The following RANBP17 variants were observed in gnomAD, a reference collection of about 807,000 sequenced individuals.
The protein encoded by RANBP17 is RAN binding protein 17.
A neutral mutation model predicts 141.2 loss-of-function variants in RANBP17; 158 were observed. That is an observed-to-expected ratio of 1.12 (90% CI 0.98 to 1.28). The LOEUF is 1.28. Among genes scored for constraint, RANBP17 ranks in the 50% most tolerant of loss-of-function variants. The pLI is 0.00. For synonymous variants in RANBP17, 430 were observed against 450.0 expected (o/e 0.96, Z 0.56); for missense variants, 1,438 against 1,290.7 (o/e 1.11, Z -1.75).
At chr5:170,892,292 T>C (rs1212863363) in intron 3 of RANBP17, 95 bp from the exon 4 acceptor site, 8 of 489,254 alleles carry the variant, frequency 1.6e-5, no homozygotes, top group South Asian at 1.9e-5. Flanking sequence ...ATGCTCTCCC[T>C]CCCCTTCCCC....
intron 14 of RANBP17, among the ~76,000 whole-genome samples, chr5:171,064,667 C>A (rs1456723985): frequency 3.3e-5 from 5 of 152,138 alleles, no homozygotes; most frequent in Non-Finnish European, 7.3e-5. Flanking sequence ...CAGGCACATG[C>A]CACCATGCCC....
Position 170,919,598 on chromosome 5 carries a change from T to A in RANBP17, c.1259T>A (p.Val420Asp). Residue 420 changes from valine to aspartate, a missense_variant, in exon 11 of 28, where the codon GTT becomes GAT. Physicochemically the swap from Val to Asp is radical, Grantham distance 152. Transcript: ENST00000523189. ...TTTATCACTTCTCGGTTGGACTCTGTTGCCATAGTTGTGAGGTATTCAAAA... is the reference window on the plus strand; with the variant it reads ...TTTATCACTTCTCGGTTGGACTCTGATGCCATAGTTGTGAGGTATTCAAAA... The part of the protein sequence containing the change: ...KAFITSRLDS[V>D]AIVVRDHLDD... The A allele has an allele frequency of 6.3e-7, 1 of 1,593,888 alleles. No homozygotes were observed. The highest frequency in any genetic ancestry group is 8.5e-7 in the Non-Finnish European group (1 of 1,174,160).
chr5:171,001,688 C>T (rs748768669), intron 14 of RANBP17, among the ~76,000 whole-genome samples: 8 of 152,082 alleles, frequency 5.3e-5, no homozygotes, highest in Non-Finnish European at 7.4e-5. Flanking sequence ...GCCCATTTTA[C>T]CTTTCCTGAA....
chr5:171,242,063 A>G (rs1030042305), intron 23 of RANBP17, among the ~76,000 whole-genome samples: 1 of 151,612 alleles, frequency 6.6e-6, no homozygotes, highest in Non-Finnish European at 1.5e-5. Flanking sequence ...GGCTTAAGCA[A>G]TTCTCCTGCC....
In RANBP17 at chr5:171,254,546, A is replaced by G. The variant is rs375309649; in HGVS notation, c.2777-11135A>G. ...AAAAATAAGTCTTTACTCCCCTTCC[A>G]CCCACCTTTACAAATCTTACTGGAA... On this transcript the variant is annotated intron_variant, in intron 24 of 27. Transcript: ENST00000523189. Among the ~76,000 whole-genome samples, 18 of 152,100 alleles carry G rather than the reference A, an allele frequency of 1.2e-4. No individual in the cohort carries two copies. The East Asian group carries it at 1.3e-3, about 11-fold the overall frequency.
intron 20 of RANBP17, among the ~76,000 whole-genome samples, chr5:171,211,942 A>G (rs1346204298): frequency 6.6e-6 from 1 of 152,220 alleles, no homozygotes; most frequent in African/African-American, 2.4e-5. Flanking sequence ...TTGCAAGTTT[A>G]TAGCAACAAG....
chr5:171,096,494 T>C (rs1014246912), intron 14 of RANBP17, among the ~76,000 whole-genome samples: 1 of 152,156 alleles, frequency 6.6e-6, no homozygotes, highest in Admixed American at 6.6e-5. Context: ...AGGCAGTAAA[T>C]ATTTAGGTAG....
chr5:171,136,538 G>A (rs957929547), intron 14 of RANBP17, among the ~76,000 whole-genome samples: 1 of 151,932 alleles, frequency 6.6e-6, no homozygotes, highest in African/African-American at 2.4e-5. Context: ...AGGACTTTTA[G>A]CAGCAAACAC....
chr5:171,097,481 A>G (rs1474009188), intron 14 of RANBP17, among the ~76,000 whole-genome samples: 1 of 151,976 alleles, frequency 6.6e-6, no homozygotes, highest in African/African-American at 2.4e-5. Flanking sequence ...ATACACAGTG[A>G]ATGAGTAAAC....
At chr5:171,082,286 G>A (rs1785302951) in intron 14 of RANBP17, among the ~76,000 whole-genome samples, 1 of 152,122 alleles carries the variant, frequency 6.6e-6, no homozygotes, top group Non-Finnish European at 1.5e-5. Flanking sequence ...GTAAAGGAAT[G>A]ATGATTAATC....
At chr5:171,160,446 G>T (rs1759266200) in intron 14 of RANBP17, among the ~76,000 whole-genome samples, 1 of 152,024 alleles carries the variant, frequency 6.6e-6, no homozygotes, top group Admixed American at 6.6e-5. Context: ...TGTATACCAG[G>T]ACTGTTATAG....
At chr5:171,206,156 A>C (rs201035303) in intron 20 of RANBP17, 11,509 of 162,858 alleles carry the variant, frequency 0.071, 586 homozygotes, top group African/African-American at 0.14. Context: ...AAAAAAAAAA[A>C]CCCCCCACAG....
Position 171,199,710 on chromosome 5 carries a change from T to TAG in RANBP17, c.2080_2081insGA (p.Thr694ArgfsTer21). 6.2e-7 allele frequency: 1 copy of TAG among 1,611,658 alleles called. No homozygotes were observed. Among genetic ancestry groups the TAG allele is most frequent in the Non-Finnish European group, 8.5e-7 (1 of 1,178,580 alleles). On this transcript the variant is annotated frameshift_variant, in exon 19 of 28. Coordinates refer to ENST00000523189, the MANE Select transcript of RANBP17 (RefSeq NM_022897.5). LOFTEE classifies it high-confidence loss of function. Reference sequence around the variant, plus strand: ...AATTTGAGAATTTCATGCTGCCTCTTACAGTTGCTTTTGAAACAGTATTAC... The same window carrying TAG: ...AATTTGAGAATTTCATGCTGCCTCTTAGACAGTTGCTTTTGAAACAGTATTAC...
At chr5:171,023,656 C>G (rs1018782828) in intron 14 of RANBP17, among the ~76,000 whole-genome samples, 3 of 152,098 alleles carry the variant, frequency 2.0e-5, no homozygotes, top group Non-Finnish European at 4.4e-5. Context: ...TTTCTTTCAG[C>G]TATTTAAAAG....
At chr5:171,166,894 A>G (rs1053134123) in intron 14 of RANBP17, among the ~76,000 whole-genome samples, 2 of 152,198 alleles carry the variant, frequency 1.3e-5, no homozygotes, top group African/African-American at 4.8e-5. Flanking sequence ...TATTCAGTAG[A>G]TCAGATAAGT....
At chr5:171,245,963 C>G (rs1340480211) in intron 24 of RANBP17, among the ~76,000 whole-genome samples, 1 of 151,306 alleles carries the variant, frequency 6.6e-6, no homozygotes, top group African/African-American at 2.4e-5. Context: ...ACTGCAACCT[C>G]CGCCTCCTGG....
intron 14 of RANBP17, among the ~76,000 whole-genome samples, chr5:171,072,711 T>A (rs1330140028): frequency 1.3e-5 from 2 of 152,190 alleles, no homozygotes. Flanking sequence ...GGAAGTCAGT[T>A]TGATAGTTTC....
intron 14 of RANBP17, among the ~76,000 whole-genome samples, chr5:171,134,244 G>T (rs1297846282): frequency 6.6e-6 from 1 of 152,154 alleles, no homozygotes; most frequent in Admixed American, 6.5e-5. Context: ...GAATTGAGAT[G>T]ATCATAAATA....
intron 14 of RANBP17, among the ~76,000 whole-genome samples, chr5:171,145,630 C>T (rs1329189566): frequency 6.6e-6 from 1 of 152,070 alleles, no homozygotes; most frequent in Non-Finnish European, 1.5e-5. Flanking sequence ...AGAAAGATTG[C>T]ATAACAAGCG....
Sources: gnomAD v4.1 joint callset for allele counts (sites outside exome capture counted in the v4.1 genomes callset) on GRCh38, gnomAD v4.1.1 for gene constraint, MANE v1.5 for transcripts, NCBI Gene and HGNC (gene_info 2026-07-23, HGNC 2026-07-21) for gene names.